RBFOX1: variants seen among roughly 807,000 people sequenced by gnomAD.
RBFOX1 encodes RNA binding protein fox-1 homolog 1.
Under a neutral mutation model 57.7 loss-of-function variants are expected in RBFOX1, and 8 were observed. The observed-to-expected ratio is 0.14, with a 90% CI of 0.08 to 0.25. The LOEUF (loss-of-function observed/expected upper bound fraction) is 0.25, where lower values mean the gene tolerates loss of function less well. Among genes scored for constraint, RBFOX1 ranks in the 10% least tolerant of loss-of-function variants. The probability of loss-of-function intolerance (pLI) is 1.00; values close to 1 mark genes in which losing one functional copy is unlikely to be tolerated. For missense variants in RBFOX1, 611 were observed against 548.5 expected (o/e 1.11, Z -1.14); for synonymous variants, 326 against 222.4 (o/e 1.47, Z -4.15).
intron 2 of RBFOX1, among the ~76,000 whole-genome samples, chr16:6,444,946 A>G (rs1241163026): frequency 6.6e-6 from 1 of 152,060 alleles, no homozygotes; most frequent in Non-Finnish European, 1.5e-5. Flanking sequence ...TGAGTGGAGA[A>G]TGGATTTGAG....
intron 14 of RBFOX1, among the ~76,000 whole-genome samples, chr16:7,680,871 C>T (rs1463550026): frequency 6.6e-6 from 1 of 151,940 alleles, no homozygotes; most frequent in Non-Finnish European, 1.5e-5. Flanking sequence ...AAATAAAATG[C>T]CATATTATCT....
chr16:5,451,482 A>T (rs918500693), intron 1 of RBFOX1, among the ~76,000 whole-genome samples: 3 of 152,182 alleles, frequency 2.0e-5, no homozygotes, highest in African/African-American at 7.2e-5. Context: ...GAATGATTTG[A>T]TGGGGGAGGT....
At chr16:6,965,557 A>C (rs2083954182) in intron 3 of RBFOX1, among the ~76,000 whole-genome samples, 1 of 152,140 alleles carries the variant, frequency 6.6e-6, no homozygotes, top group Non-Finnish European at 1.5e-5. Flanking sequence ...GGCTGGTGTC[A>C]AACTCCGGAC....
At chr16:5,582,907 T>G (rs1357972653) in intron 2 of RBFOX1, among the ~76,000 whole-genome samples, 1 of 152,218 alleles carries the variant, frequency 6.6e-6, no homozygotes, top group African/African-American at 2.4e-5. Context: ...GGGCCTGGTT[T>G]GTGAGATGAG....
At chr16:5,716,818 C>T (rs1411250566) in intron 3 of RBFOX1, among the ~76,000 whole-genome samples, 2 of 150,270 alleles carry the variant, frequency 1.3e-5, no homozygotes, top group Non-Finnish European at 2.9e-5. Context: ...GCGACTTGTC[C>T]CAGGTTGCAT....
rs1320458112 is a variant in RBFOX1 at position 5,742,244 on chromosome 16, CTTCCTTCCTCCCTTCCTTCT to C, written c.319-125052_319-125033del. On this transcript the variant is annotated intron_variant, in intron 3 of 19. Coordinates refer to the RBFOX1 transcript ENST00000641259. Reference sequence around the variant, plus strand: ...CCTCCCTTCCTTCCTTCCTCCCTTCCTTCCTTCCTCCCTTCCTTCTTTCCTTTCTTCCTCCCTCCCTCCCT... The same window carrying C: ...CCTCCCTTCCTTCCTTCCTCCCTTCCTTCCTTTCTTCCTCCCTCCCTCCCT... Among the ~76,000 whole-genome samples the C allele has an allele frequency of 9.0e-4, 132 of 146,094 alleles. 1 individual carries two copies. Among genetic ancestry groups the C allele is most frequent in the African/African-American group, 2.8e-3 (111 of 39,100 alleles).
intron 2 of RBFOX1, among the ~76,000 whole-genome samples, chr16:6,321,991 C>G (rs954847495): frequency 7.2e-5 from 11 of 152,140 alleles, no homozygotes; most frequent in African/African-American, 2.4e-4. Flanking sequence ...GAAATCAGTC[C>G]ACGTCTCACT....
At chr16:6,250,870 T>C (rs779705969) in intron 1 of RBFOX1, among the ~76,000 whole-genome samples, 1 of 152,212 alleles carries the variant, frequency 6.6e-6, no homozygotes, top group Non-Finnish European at 1.5e-5. Flanking sequence ...GAGTGGTTTT[T>C]GGATTATCCA....
chr16:7,317,943 A>G (rs1233824437), intron 4 of RBFOX1, among the ~76,000 whole-genome samples: 3 of 152,132 alleles, frequency 2.0e-5, no homozygotes, highest in South Asian at 2.1e-4. Context: ...ACATACTTCT[A>G]CTTTTGATGC....
chr16:6,191,099 A>G (rs555427547), intron 1 of RBFOX1, among the ~76,000 whole-genome samples: 3 of 148,016 alleles, frequency 2.0e-5, no homozygotes, highest in African/African-American at 7.4e-5. Flanking sequence ...CTAGACAGAC[A>G]GCTTGGTTGG....
At chr16:6,521,806 A>G (rs1255874872) in intron 2 of RBFOX1, among the ~76,000 whole-genome samples, 1 of 152,146 alleles carries the variant, frequency 6.6e-6, no homozygotes, top group Non-Finnish European at 1.5e-5. Flanking sequence ...TTAAAGCTAA[A>G]TAGTGAGGAA....
intron 3 of RBFOX1, among the ~76,000 whole-genome samples, chr16:6,969,550 CA>C (rs1418442022): frequency 6.6e-6 from 1 of 151,368 alleles, no homozygotes; most frequent in Non-Finnish European, 1.5e-5. Context: ...CACTGGGCAA[CA>C]AAATGAGACC....
intron 2 of RBFOX1, among the ~76,000 whole-genome samples, chr16:6,507,700 A>G (rs1415545734): frequency 6.6e-6 from 1 of 152,090 alleles, no homozygotes; most frequent in East Asian, 1.9e-4. Context: ...GCATTATGCT[A>G]AGAGAGATAA....
intron 2 of RBFOX1, among the ~76,000 whole-genome samples, chr16:5,501,722 T>C (rs2043204154): frequency 6.6e-6 from 1 of 152,140 alleles, no homozygotes; most frequent in African/African-American, 2.4e-5. Context: ...TGATTACTAT[T>C]ATTATTTTAG....
intron 1 of RBFOX1, among the ~76,000 whole-genome samples, chr16:5,244,642 C>T (rs2333764): frequency 0.57 from 87,010 of 152,172 alleles, 25,780 homozygotes; most frequent in Non-Finnish European, 0.65. Flanking sequence ...ACATGGCAAC[C>T]CGCTGGAACG....
intron 4 of RBFOX1, among the ~76,000 whole-genome samples, chr16:5,980,778 C>A (rs1047334293): frequency 1.3e-5 from 2 of 152,212 alleles, no homozygotes; most frequent in Middle Eastern, 6.8e-3. Context: ...GTGTTTAATG[C>A]CTCTTAAATC....
chr16:6,060,122 G>GTTTTTTGTGTTTTTTTTTTTTTTTTTT, intron 1 of RBFOX1, among the ~76,000 whole-genome samples: 1 of 114,210 alleles, frequency 8.8e-6, no homozygotes, highest in East Asian at 2.6e-4. Context: ...TAGGATTAGG[G>GTTTTTTGTGTTTTTTTTTTTTTTTTTT]TTTTTTTTTT....
intron 5 of RBFOX1, among the ~76,000 whole-genome samples, chr16:7,570,469 C>T (rs927793724): frequency 7.2e-5 from 11 of 152,112 alleles, no homozygotes; most frequent in Admixed American, 2.0e-4. Context: ...TTTACTCAAC[C>T]GAAACTGGAT....
intron 7 of RBFOX1, among the ~76,000 whole-genome samples, chr16:7,590,296 T>C (rs1016498811): frequency 6.6e-6 from 1 of 152,040 alleles, no homozygotes; most frequent in African/African-American, 2.4e-5. Context: ...CTTTGGAATA[T>C]AGATCCAGTA....
Sources: allele counts gnomAD v4.1 joint callset (sites outside exome capture counted in the v4.1 genomes callset), GRCh38; gene constraint gnomAD v4.1.1; transcripts MANE v1.5; gene names NCBI Gene and HGNC (gene_info 2026-07-23, HGNC 2026-07-21).